STAG1: variants seen among roughly 807,000 people sequenced by gnomAD.
STAG1 encodes STAG1 cohesin complex component.
A neutral mutation model predicts 170.9 loss-of-function variants in STAG1; 26 were observed. The ratio of observed to expected loss-of-function variants is 0.15; its 90% CI spans 0.11 to 0.21. The LOEUF is 0.21. Among genes scored for constraint, STAG1 ranks in the 10% least tolerant of loss-of-function variants. The pLI is 1.00. For synonymous variants in STAG1, 514 were observed against 497.7 expected, an observed-to-expected ratio of 1.03 and a Z score of -0.44; for missense variants, 964 against 1,509.5, an observed-to-expected ratio of 0.64 and a Z score of 5.99.
intron 1 of STAG1, among the ~76,000 whole-genome samples, chr3:136,714,935 TTAAA>T (rs1467380426): frequency 8.8e-5 from 5 of 56,576 alleles, no homozygotes; most frequent in Non-Finnish European, 1.6e-4. Context: ...AATATATATA[TTAAA>T]TATATATATA....
intron 6 of STAG1, among the ~76,000 whole-genome samples, chr3:136,530,365 T>C (rs958538805): frequency 1.3e-5 from 2 of 152,158 alleles, no homozygotes; most frequent in Admixed American, 6.5e-5. Context: ...TTAAACCAAA[T>C]AGACTTGACA....
intron 1 of STAG1, among the ~76,000 whole-genome samples, chr3:136,649,361 C>A (rs1019234242): frequency 9.2e-5 from 14 of 151,978 alleles, no homozygotes; most frequent in African/African-American, 3.4e-4. Flanking sequence ...TGCCTGTAAT[C>A]CCAGCTACTC....
chr3:136,388,410 C>T (rs936189146), intron 22 of STAG1, among the ~76,000 whole-genome samples: 3 of 152,088 alleles, frequency 2.0e-5, no homozygotes, highest in Non-Finnish European at 2.9e-5. Context: ...GCTCTGTTGC[C>T]CAGGCTGGAG....
intron 1 of STAG1, among the ~76,000 whole-genome samples, chr3:136,664,890 A>C (rs921345424): frequency 1.3e-5 from 2 of 152,210 alleles, no homozygotes; most frequent in Non-Finnish European, 2.9e-5. Context: ...GGAAAAAGAA[A>C]AGATATTTTT....
intron 1 of STAG1, among the ~76,000 whole-genome samples, chr3:136,662,928 G>GT (rs1482860402): frequency 6.6e-6 from 1 of 152,128 alleles, no homozygotes; most frequent in Non-Finnish European, 1.5e-5. Context: ...GCAGGCGCCT[G>GT]TAATCCCAGC....
chr3:136,472,922 C>T (rs917819177), intron 11 of STAG1, among the ~76,000 whole-genome samples: 5 of 152,112 alleles, frequency 3.3e-5, no homozygotes, highest in Non-Finnish European at 7.4e-5. Context: ...TGGTCTGTAA[C>T]CTGTTAGGAA....
At chr3:136,495,159 C>T (rs943435657) in intron 9 of STAG1, among the ~76,000 whole-genome samples, 3 of 152,162 alleles carry the variant, frequency 2.0e-5, no homozygotes, top group Non-Finnish European at 2.9e-5. Flanking sequence ...GTCAATTCAT[C>T]TTCAAGAGAG....
intron 15 of STAG1, among the ~76,000 whole-genome samples, chr3:136,435,088 A>G (rs2088416710): frequency 6.6e-6 from 1 of 152,240 alleles, no homozygotes; most frequent in Admixed American, 6.5e-5. Flanking sequence ...GACTTATGGC[A>G]TAATTTGTTA....
chr3:136,604,305 T>G lies in STAG1; in HGVS notation c.297+4A>C. On this transcript the variant is annotated splice_donor_region_variant and intron_variant, in intron 4 of 33. Transcript: ENST00000383202. ...TATACGTGAAATAAAAACTTAAAAT[T>G]TACCTGCATTGCACTTTTCCCCAGT... 6.2e-7 allele frequency: 1 copy of G among 1,601,024 alleles called. No individual in the cohort carries two copies. Among genetic ancestry groups the G allele is most frequent in the Non-Finnish European group, 8.5e-7 (1 of 1,176,512 alleles).
chr3:136,745,000 G>T (rs1934864816), intron 1 of STAG1, among the ~76,000 whole-genome samples: 1 of 152,138 alleles, frequency 6.6e-6, no homozygotes, highest in Non-Finnish European at 1.5e-5. Context: ...TAATAGAAAA[G>T]ATCAGAAAAT....
chr3:136,658,394 A>T (rs977580891), intron 1 of STAG1, among the ~76,000 whole-genome samples: 22 of 148,392 alleles, frequency 1.5e-4, no homozygotes, highest in Non-Finnish European at 2.7e-4. Flanking sequence ...TAGGAAATTT[A>T]AAAAAAAAAA....
At chr3:136,396,209 G>GTTTTTTTTT (rs1157402968) in intron 22 of STAG1, among the ~76,000 whole-genome samples, 2 of 87,952 alleles carry the variant, frequency 2.3e-5, no homozygotes, top group African/African-American at 4.2e-5. Context: ...GTGTAACACA[G>GTTTTTTTTT]TTTTTTTTTT....
intron 16 of STAG1, among the ~76,000 whole-genome samples, chr3:136,426,327 G>A (rs1021413866): frequency 3.9e-5 from 6 of 151,994 alleles, no homozygotes; most frequent in Admixed American, 1.3e-4. Context: ...AGAGAATGGC[G>A]TGAACCCCCA....
At chr3:136,614,517 G>A (rs1452621532) in intron 3 of STAG1, among the ~76,000 whole-genome samples, 2 of 152,138 alleles carry the variant, frequency 1.3e-5, no homozygotes, top group African/African-American at 4.8e-5. Flanking sequence ...TGAATTTCAT[G>A]GAAAATATGT....
At chr3:136,676,151 A>C (rs1448455632) in intron 1 of STAG1, among the ~76,000 whole-genome samples, 1 of 152,234 alleles carries the variant, frequency 6.6e-6, no homozygotes, top group African/African-American at 2.4e-5. Context: ...TGGCACATCT[A>C]TATGGGGCAC....
intron 9 of STAG1, among the ~76,000 whole-genome samples, chr3:136,477,946 C>T (rs536706118): frequency 6.6e-6 from 1 of 152,178 alleles, no homozygotes; most frequent in Admixed American, 6.5e-5. Context: ...CAAGCCACCA[C>T]ACCTGAGTAA....
chr3:136,453,580 G>C (rs1274233990), intron 13 of STAG1, among the ~76,000 whole-genome samples: 2 of 135,246 alleles, frequency 1.5e-5, no homozygotes, highest in African/African-American at 5.9e-5. Flanking sequence ...GACAGAGCGA[G>C]ACTATGTCTC....
At chr3:136,381,019 G>A (rs1937926081) in intron 22 of STAG1, among the ~76,000 whole-genome samples, 1 of 134,120 alleles carries the variant, frequency 7.5e-6, no homozygotes, top group Non-Finnish European at 1.6e-5. Context: ...GTAAGACCCT[G>A]TCTCGAAAAA....
intron 13 of STAG1, among the ~76,000 whole-genome samples, chr3:136,455,047 T>C (rs1251999364): frequency 6.6e-6 from 1 of 152,162 alleles, no homozygotes; most frequent in Non-Finnish European, 1.5e-5. Flanking sequence ...CTAAAAAACA[T>C]TTATGGAGTG....
Sources: gnomAD v4.1 joint callset for allele counts (sites outside exome capture counted in the v4.1 genomes callset) on GRCh38, gnomAD v4.1.1 for gene constraint, MANE v1.5 for transcripts, NCBI Gene and HGNC (gene_info 2026-07-23, HGNC 2026-07-21) for gene names.